The following ANKRD28 variants were observed in gnomAD, a reference collection of about 807,000 sequenced individuals.
ANKRD28 encodes serine/threonine-protein phosphatase 6 regulatory ankyrin repeat subunit A.
ANKRD28 carries 44 observed loss-of-function variants against 126.5 expected under a neutral mutation model. That is an observed-to-expected ratio of 0.35 (90% CI 0.27 to 0.45). The LOEUF (loss-of-function observed/expected upper bound fraction) is 0.45. ANKRD28 is among the 20% of genes least tolerant of loss of function. The pLI, the probability that ANKRD28 is intolerant of heterozygous loss-of-function variation, is 1.00. For missense variants in ANKRD28, 1,110 were observed against 1,316.6 expected, an observed-to-expected ratio of 0.84 and a Z score of 2.43; for synonymous variants, 442 against 468.5, an observed-to-expected ratio of 0.94 and a Z score of 0.73.
intron 1 of ANKRD28, among the ~76,000 whole-genome samples, chr3:15,809,698 C>G (rs1039782907): frequency 3.3e-5 from 5 of 152,104 alleles, no homozygotes; most frequent in Non-Finnish European, 5.9e-5. Flanking sequence ...TGCATTTAAG[C>G]CAATTTGAGT....
rs2061377591 is a variant in ANKRD28 at position 15,838,919 on chromosome 3, C to CT, written c.27+20457dup. On this transcript the variant is annotated intron_variant, in intron 1 of 27. Coordinates refer to the ANKRD28 transcript ENST00000399451. The surrounding 1 kb of genome is among the most constrained non-coding windows in gnomAD (Gnocchi z 4.0). Reference sequence around the variant, plus strand: ...TGTGATATATCCATACAATGGAATACTATTCAGCAACGAAGAACCAATTAA... The same window carrying CT: ...TGTGATATATCCATACAATGGAATACTTATTCAGCAACGAAGAACCAATTAA... Among the ~76,000 whole-genome samples the CT allele has an allele frequency of 6.6e-6, 1 of 152,156 alleles. No individual in the cohort carries two copies. Among genetic ancestry groups the CT allele is most frequent in the African/African-American group, 2.4e-5 (1 of 41,416 alleles).
chr3:15,810,060 GAGTAA>G (rs1038161016), intron 1 of ANKRD28, among the ~76,000 whole-genome samples: 3 of 152,024 alleles, frequency 2.0e-5, no homozygotes, highest in African/African-American at 7.3e-5. Flanking sequence ...GAATGACACC[GAGTAA>G]ATACACTTTA....
At chr3:15,855,555 T>A (rs535678011) in intron 1 of ANKRD28, among the ~76,000 whole-genome samples, 43 of 152,340 alleles carry the variant, frequency 2.8e-4, no homozygotes, top group African/African-American at 1.0e-3. Context: ...CGGAAGGCAG[T>A]GAGATGACCT....
intron 3 of ANKRD28, among the ~76,000 whole-genome samples, chr3:15,759,978 A>T (rs2058366857): frequency 6.6e-6 from 1 of 152,236 alleles, no homozygotes; most frequent in South Asian, 2.1e-4. Flanking sequence ...GTGCTAAAAA[A>T]GAGACCAAGA....
chr3:15,788,330 C>T (rs1022244866), intron 2 of ANKRD28, among the ~76,000 whole-genome samples: 5 of 152,098 alleles, frequency 3.3e-5, no homozygotes, highest in African/African-American at 1.2e-4. Context: ...ACTATTATTG[C>T]TTTATAGTAC....
At chr3:15,747,518 G>C (rs543846436) in intron 4 of ANKRD28, among the ~76,000 whole-genome samples, 1 of 152,156 alleles carries the variant, frequency 6.6e-6, no homozygotes, top group Admixed American at 6.5e-5. Flanking sequence ...CTTCCTTTTG[G>C]AGTTCATTTC....
chr3:15,800,407 T>G (rs368602389), upstream of ANKRD28, among the ~76,000 whole-genome samples: 3 of 152,108 alleles, frequency 2.0e-5, no homozygotes, highest in African/African-American at 7.2e-5. Context: ...TTAACAGAAT[T>G]TACTTCATAG....
At chr3:15,711,420 C>T in intron 11 of ANKRD28, 146 bp from the exon 12 acceptor site, 1 of 583,456 alleles carries the variant, frequency 1.7e-6, no homozygotes, top group African/African-American at 1.9e-5. Flanking sequence ...GTTTAAAAGG[C>T]AATAGGATAC....
chr3:15,807,581 C>T (rs2060611866), intron 1 of ANKRD28, among the ~76,000 whole-genome samples: 1 of 152,060 alleles, frequency 6.6e-6, no homozygotes. Flanking sequence ...TCTCATCTTC[C>T]TTCTCTATGA....
rs57072807 is a variant in ANKRD28 at position 15,767,700 on chromosome 3, T to TAAAAA, written c.202-1393_202-1389dup. ...TAACACAATGAAACCTAGTCTCTAC[T>TAAAAA]AAAAAAAAAAAAAAAAAAAAAAAAA... On this transcript the variant is annotated intron_variant, in intron 2 of 27. Transcript: ENST00000683139. Among the ~76,000 whole-genome samples, 23 of 64,352 alleles carry TAAAAA rather than the reference T, an allele frequency of 3.6e-4. 3 individuals are homozygous for TAAAAA. The highest frequency in any genetic ancestry group is 5.2e-4 in the Non-Finnish European group (18 of 34,340). The allele number at this position is 64,352 out of a possible 152,430, so 42.2% of individuals were successfully genotyped here.
At chr3:15,678,158 A>ATTGGGATC in intron 24 of ANKRD28, 51 bp downstream of exon 24, 1 of 1,521,120 alleles carries the variant, frequency 6.6e-7, no homozygotes, top group Non-Finnish European at 8.8e-7. Context: ...TAAGTTATAC[A>ATTGGGATC]TAAGTGATAC....
intron 4 of ANKRD28, among the ~76,000 whole-genome samples, chr3:15,737,561 C>T (rs1272616844): frequency 6.6e-6 from 1 of 152,260 alleles, no homozygotes; most frequent in Non-Finnish European, 1.5e-5. Flanking sequence ...AATTCCTTGG[C>T]TTAAGTGATC....
chr3:15,771,353 T>C (rs1241491379), intron 2 of ANKRD28, among the ~76,000 whole-genome samples: 4 of 142,402 alleles, frequency 2.8e-5, no homozygotes, highest in Admixed American at 2.3e-4. Flanking sequence ...GAGGTTGCAG[T>C]GAGCCGAGAT....
At chr3:15,747,064 T>C (rs1485913048) in intron 4 of ANKRD28, among the ~76,000 whole-genome samples, 3 of 152,216 alleles carry the variant, frequency 2.0e-5, no homozygotes, top group Non-Finnish European at 4.4e-5. Flanking sequence ...CATTTCTAAT[T>C]GAGCTTATTT....
intron 2 of ANKRD28, among the ~76,000 whole-genome samples, chr3:15,785,353 A>G (rs904985124): frequency 1.3e-5 from 2 of 152,108 alleles, no homozygotes; most frequent in African/African-American, 4.8e-5. Context: ...CTACAAAGAA[A>G]TCCCAAAACC....
chr3:15,727,596 A>AAGC lies in ANKRD28; in HGVS notation c.641-3073_641-3072insGCT, dbSNP rs2074274236. Among the ~76,000 whole-genome samples the AAGC allele has an allele frequency of 1.4e-5, 2 of 147,622 alleles. 1 individual carries two copies. The highest frequency in any genetic ancestry group is 5.3e-5 in the African/African-American group (2 of 37,694). ...AAAAAAAAAAAAAAAAAAAAGAAAG[A>AAGC]AAGAAAGAACATTTCTGATTCATGG... is the stretch of plus-strand genomic sequence containing the variant. On this transcript the variant is annotated intron_variant, in intron 6 of 27. Coordinates refer to ENST00000683139, the MANE Select transcript of ANKRD28 (RefSeq NM_001349278.2).
At chr3:15,680,323 G>C (rs1193524340) in intron 21 of ANKRD28, among the ~76,000 whole-genome samples, 1 of 151,986 alleles carries the variant, frequency 6.6e-6, no homozygotes, top group Non-Finnish European at 1.5e-5. Flanking sequence ...TCCTGTCTCA[G>C]CCTCCCAAGT....
intron 1 of ANKRD28, among the ~76,000 whole-genome samples, chr3:15,824,213 G>C (rs1363227572): frequency 6.6e-6 from 1 of 152,194 alleles, no homozygotes; most frequent in Non-Finnish European, 1.5e-5. Context: ...CTGTCATGCA[G>C]GCGCCATCTC....
In ANKRD28 at chr3:15,724,518, A is replaced by G; in HGVS notation, c.647T>C (p.Ile216Thr). 1 of 1,575,172 alleles carries G rather than the reference A, an allele frequency of 6.3e-7. No individual in the cohort carries two copies. The highest frequency in any genetic ancestry group is 8.6e-7 in the Non-Finnish European group (1 of 1,159,470). ...AIHWAAYMGH[I>T]EVVKLLVSHG... ...CGACACAAGCAATTTCACTACTTCA[A>G]TGTGACCTAAAAATGTGTTTTTGAA... Residue 216 changes from isoleucine (I) to threonine (T), a missense_variant, in exon 7 of 28, where the codon ATT becomes ACT. Transcript: ENST00000683139.
Sources: gnomAD v4.1 joint callset for allele counts (sites outside exome capture counted in the v4.1 genomes callset) on GRCh38, gnomAD v4.1.1 for gene constraint, Gnocchi (gnomAD v3.1) non-coding constraint, MANE v1.5 for transcripts, NCBI Gene and HGNC (gene_info 2026-07-23, HGNC 2026-07-21) for gene names.